The following INPP4B variants were observed in gnomAD, a reference collection of about 807,000 sequenced individuals.
INPP4B encodes inositol polyphosphate 4-phosphatase type II.
In INPP4B, 55 loss-of-function variants were observed where a neutral mutation model predicts 122.5. The ratio of observed to expected loss-of-function variants is 0.45; its 90% CI spans 0.36 to 0.56. The LOEUF is 0.56. INPP4B is among the 20% of genes least tolerant of loss of function. INPP4B has a pLI of 0.00. For synonymous variants in INPP4B, 403 were observed against 388.7 expected (o/e 1.04, Z -0.43); for missense variants, 1,000 against 1,097.7 (o/e 0.91, Z 1.26).
At chr4:142,380,315 T>C (rs190448389) in intron 7 of INPP4B, among the ~76,000 whole-genome samples, 2 of 152,312 alleles carry the variant, frequency 1.3e-5, no homozygotes, top group Admixed American at 1.3e-4. Flanking sequence ...ACTTTCTTCC[T>C]CTTCTGCTCC....
At chr4:142,559,846 T>C (rs1348948126) in intron 2 of INPP4B, among the ~76,000 whole-genome samples, 1 of 152,220 alleles carries the variant, frequency 6.6e-6, no homozygotes, top group Non-Finnish European at 1.5e-5. Flanking sequence ...TCTTGCTTGA[T>C]CTTCTTCCTA....
At position 142,343,010 on chromosome 4, in the gene INPP4B, G is replaced by A. The variant is rs117717205; in HGVS notation, c.373-28248C>T. On this transcript the variant is annotated intron_variant, in intron 7 of 25. Transcript: ENST00000262992. ...AATTTGGATAGAAACCCTGTTATTA[G>A]TGGAGAAATGCAAAGCAAAGAATGA... is the stretch of plus-strand genomic sequence containing the variant. Among the ~76,000 whole-genome samples the A allele has an allele frequency of 3.6e-3, 546 of 152,210 alleles. 11 individuals are homozygous for A. The highest frequency in any genetic ancestry group is 4.3e-3 in the East Asian group (22 of 5,176).
intron 15 of INPP4B, among the ~76,000 whole-genome samples, chr4:142,189,499 C>T (rs1456287020): frequency 6.6e-6 from 1 of 152,022 alleles, no homozygotes; most frequent in Non-Finnish European, 1.5e-5. Flanking sequence ...CCTAGTAAGG[C>T]TACAAGAGAA....
At chr4:142,390,891 A>G (rs1797460917) in intron 7 of INPP4B, among the ~76,000 whole-genome samples, 1 of 152,162 alleles carries the variant, frequency 6.6e-6, no homozygotes, top group South Asian at 2.1e-4. Flanking sequence ...ATCCTAGAAT[A>G]TGGTGTCTTT....
At chr4:142,646,122 T>A (rs886786464) in intron 2 of INPP4B, among the ~76,000 whole-genome samples, 1 of 152,342 alleles carries the variant, frequency 6.6e-6, no homozygotes, top group East Asian at 1.9e-4. Flanking sequence ...TTGTTTGTAG[T>A]CATAGTTATA....
chr4:142,652,140 T>C (rs954601683), intron 2 of INPP4B, among the ~76,000 whole-genome samples: 14 of 152,192 alleles, frequency 9.2e-5, no homozygotes, highest in Admixed American at 6.5e-5. Flanking sequence ...TCTCAATAGA[T>C]GCAGAAAAGG....
rs1025234349 is a variant in INPP4B at position 142,246,478 on chromosome 4, G to A, written c.689-8467C>T. Among the ~76,000 whole-genome samples the A allele has an allele frequency of 2.6e-5, 4 of 152,076 alleles. No individual in the cohort carries two copies. In the South Asian group the frequency reaches 8.3e-4, roughly 31 times the overall value. ...GTGTCCTTTCTTATTTCCTTCAGCA[G>A]TGGTTTGTAGTTCTCCTTGCAGAGG... On this transcript the variant is annotated intron_variant, in intron 11 of 25. Transcript: ENST00000262992.
intron 1 of INPP4B, among the ~76,000 whole-genome samples, chr4:142,783,669 C>A (rs2151036311): frequency 6.6e-6 from 1 of 152,124 alleles, no homozygotes; most frequent in Middle Eastern, 3.4e-3. Context: ...ATTTAGAATC[C>A]TCTGTGTACT....
At chr4:142,128,342 TACACACACACACACACACACAC>T (rs3836673) in intron 18 of INPP4B, among the ~76,000 whole-genome samples, 2 of 147,462 alleles carry the variant, frequency 1.4e-5, no homozygotes, top group East Asian at 4.1e-4. Context: ...CGTACTTTTA[TACACACACACACACACACACAC>T]ACACACACAC....
chr4:142,555,196 T>C (rs1295370792), intron 2 of INPP4B, among the ~76,000 whole-genome samples: 44 of 152,104 alleles, frequency 2.9e-4, no homozygotes, highest in Non-Finnish European at 8.8e-5. Context: ...GAGTGGGAAA[T>C]AGAACCTGCA....
At chr4:142,800,509 T>A (rs1423156108) in intron 1 of INPP4B, among the ~76,000 whole-genome samples, 1 of 152,126 alleles carries the variant, frequency 6.6e-6, no homozygotes, top group East Asian at 1.9e-4. Context: ...GGAAATTGGA[T>A]CACCAGAAAT....
chr4:142,647,948 C>T (rs1169110781), intron 2 of INPP4B, among the ~76,000 whole-genome samples: 1 of 152,246 alleles, frequency 6.6e-6, no homozygotes. Flanking sequence ...TGTACATGCA[C>T]ATTTCCTCCT....
chr4:142,612,867 T>G (rs567826175), intron 2 of INPP4B, among the ~76,000 whole-genome samples: 1 of 152,318 alleles, frequency 6.6e-6, no homozygotes, highest in Non-Finnish European at 1.5e-5. Flanking sequence ...TCTCACTTAG[T>G]AACAGAACCC....
At chr4:142,595,898 G>A (rs1378713946) in intron 2 of INPP4B, among the ~76,000 whole-genome samples, 1 of 151,876 alleles carries the variant, frequency 6.6e-6, no homozygotes, top group African/African-American at 2.4e-5. Context: ...CTTGTTGTGT[G>A]GAGTGCAGTG....
chr4:142,326,674 C>T (rs1028021222), intron 7 of INPP4B, among the ~76,000 whole-genome samples: 14 of 152,098 alleles, frequency 9.2e-5, no homozygotes, highest in African/African-American at 3.4e-4. Context: ...AGCATTAGAC[C>T]CGGATGGTGA....
chr4:142,407,856 G>A (rs1803764117), intron 5 of INPP4B, among the ~76,000 whole-genome samples: 1 of 152,120 alleles, frequency 6.6e-6, no homozygotes, highest in Admixed American at 6.6e-5. Context: ...GGGTGGAAGT[G>A]AGGAAATTGG....
At chr4:142,103,679 G>A (rs566995787) in intron 23 of INPP4B, among the ~76,000 whole-genome samples, 6 of 151,994 alleles carry the variant, frequency 3.9e-5, no homozygotes, top group African/African-American at 9.6e-5. Context: ...AAGATACTAC[G>A]GCATAGACCG....
At chr4:142,189,697 GA>G (rs759402226) in intron 15 of INPP4B, among the ~76,000 whole-genome samples, 7 of 152,030 alleles carry the variant, frequency 4.6e-5, no homozygotes, top group Non-Finnish European at 8.8e-5. Context: ...ACAGAACGAG[GA>G]AAAAGGAAAA....
At chr4:142,759,825 TAAAAAAAAAAAA>T (rs70949188) in intron 1 of INPP4B, among the ~76,000 whole-genome samples, 1 of 70,070 alleles carries the variant, frequency 1.4e-5, no homozygotes, top group African/African-American at 5.6e-5. Context: ...GAGCTTTTTC[TAAAAAAAAAAAA>T]AAAAAAAAAA....
Sources: gnomAD v4.1 joint callset for allele counts (sites outside exome capture counted in the v4.1 genomes callset) on GRCh38, gnomAD v4.1.1 for gene constraint, MANE v1.5 for transcripts, NCBI Gene and HGNC (gene_info 2026-07-23, HGNC 2026-07-21) for gene names.